The following SNTB1 variants were observed in gnomAD, a reference collection of about 807,000 sequenced individuals.
SNTB1 encodes the protein beta-1-syntrophin.
In SNTB1, 36 loss-of-function variants were observed where a neutral mutation model predicts 48.9. The ratio of observed to expected loss-of-function variants is 0.74; its 90% confidence interval spans 0.56 to 0.97. SNTB1 has a LOEUF of 0.97. SNTB1 is among the 50% of genes least tolerant of loss of function. The pLI, the probability that SNTB1 is intolerant of heterozygous loss-of-function variation, is 0.00. For missense variants in SNTB1, 786 were observed against 703.4 expected, an observed-to-expected ratio of 1.12 and a Z score of -1.33; for synonymous variants, 299 against 294.6, an observed-to-expected ratio of 1.01 and a Z score of -0.15.
At chr8:120,794,043 G>A (rs537546127) in intron 1 of SNTB1, among the ~76,000 whole-genome samples, 4 of 152,108 alleles carry the variant, frequency 2.6e-5, no homozygotes, top group Non-Finnish European at 4.4e-5. Context: ...ATAATAGGGT[G>A]AGATCAGGAA....
chr8:120,544,931 T>C (rs1461931802), intron 5 of SNTB1, among the ~76,000 whole-genome samples: 1 of 152,006 alleles, frequency 6.6e-6, no homozygotes, highest in Non-Finnish European at 1.5e-5. Context: ...AAGGCACTGA[T>C]TATCTTGGAT....
At chr8:120,573,394 G>GTTT (rs36132752) in intron 4 of SNTB1, among the ~76,000 whole-genome samples, 1 of 151,586 alleles carries the variant, frequency 6.6e-6, no homozygotes, top group African/African-American at 2.4e-5. Flanking sequence ...TTTTGAATCA[G>GTTT]TTTTCTTTTT....
chr8:120,549,034 C>T (rs1409864700), intron 4 of SNTB1, 76 bp from the exon 5 acceptor site: 1 of 1,226,684 alleles, frequency 8.2e-7, no homozygotes, highest in African/African-American at 1.5e-5. Flanking sequence ...TGTATAAGAC[C>T]CAAATTGGTG....
At chr8:120,692,346 G>A (rs1818142763) in intron 2 of SNTB1, among the ~76,000 whole-genome samples, 1 of 152,066 alleles carries the variant, frequency 6.6e-6, no homozygotes. Context: ...TTTCTATTCG[G>A]GTGGGTTGCA....
intron 3 of SNTB1, among the ~76,000 whole-genome samples, chr8:120,615,578 C>T (rs868402355): frequency 6.6e-6 from 1 of 152,182 alleles, no homozygotes; most frequent in Non-Finnish European, 1.5e-5. Context: ...GGATTTACCA[C>T]CAAAATAGGA....
intron 1 of SNTB1, among the ~76,000 whole-genome samples, chr8:120,749,620 G>C (rs916780095): frequency 1.3e-5 from 2 of 151,972 alleles, no homozygotes; most frequent in Non-Finnish European, 2.9e-5. Context: ...TTTGGTTATT[G>C]AGAAAGTCTT....
intron 3 of SNTB1, 32 bp from the exon 4 acceptor site, chr8:120,575,257 C>T: frequency 6.2e-7 from 1 of 1,613,844 alleles, no homozygotes; most frequent in Admixed American, 1.7e-5. Flanking sequence ...TGTCAAATGA[C>T]AGCCTGAGGA....
At position 120,604,604 on chromosome 8, in the gene SNTB1, C is replaced by T. The variant is rs558485381; in HGVS notation, c.996+27840G>A. 7.2e-5 allele frequency among the ~76,000 whole-genome samples: 11 copies of T among 152,158 alleles called. No homozygotes were observed. The East Asian group carries it at 2.1e-3, about 29-fold the overall frequency. The stretch of plus-strand genomic sequence containing the variant: ...TAGCTGGGATTACAGGTGCGCACCA[C>T]CATGCCCAGCTAATTTTTGTATTTT... On this transcript the variant is annotated intron_variant, in intron 3 of 6. Transcript: ENST00000517992.
chr8:120,619,243 T>A (rs1387473314), intron 3 of SNTB1, among the ~76,000 whole-genome samples: 1 of 152,054 alleles, frequency 6.6e-6, no homozygotes, highest in Non-Finnish European at 1.5e-5. Flanking sequence ...TTACAGTTCA[T>A]TAAATATGGA....
intron 3 of SNTB1, among the ~76,000 whole-genome samples, chr8:120,586,845 G>T (rs1231538685): frequency 6.6e-6 from 1 of 152,188 alleles, no homozygotes; most frequent in Non-Finnish European, 1.5e-5. Flanking sequence ...GCAAATGGGG[G>T]AAAGAAGGTA....
chr8:120,572,609 G>A (rs1293724873), intron 4 of SNTB1, among the ~76,000 whole-genome samples: 2 of 152,138 alleles, frequency 1.3e-5, no homozygotes, highest in African/African-American at 4.8e-5. Context: ...CAGGCCAGGT[G>A]CAGTGGTTGA....
At chr8:120,575,457 G>A (rs1815935999) in intron 3 of SNTB1, among the ~76,000 whole-genome samples, 1 of 152,214 alleles carries the variant, frequency 6.6e-6, no homozygotes, top group South Asian at 2.1e-4. Context: ...AAGCAGCCCA[G>A]CTGCCACACA....
At chr8:120,759,718 C>G (rs1050239847) in intron 1 of SNTB1, among the ~76,000 whole-genome samples, 5 of 152,152 alleles carry the variant, frequency 3.3e-5, no homozygotes, top group African/African-American at 1.2e-4. Context: ...TCCTGTGGCC[C>G]AAGACGAACT....
At chr8:120,691,256 C>T (rs1818122910) in intron 2 of SNTB1, among the ~76,000 whole-genome samples, 1 of 152,194 alleles carries the variant, frequency 6.6e-6, no homozygotes, top group Non-Finnish European at 1.5e-5. Context: ...GTATGAATTG[C>T]TCCTACAATG....
intron 2 of SNTB1, among the ~76,000 whole-genome samples, chr8:120,659,406 T>C (rs1338200492): frequency 1.3e-5 from 2 of 152,214 alleles, no homozygotes; most frequent in African/African-American, 4.8e-5. Flanking sequence ...AGTTTTATCA[T>C]GGGATTGCAA....
intron 1 of SNTB1, among the ~76,000 whole-genome samples, chr8:120,736,527 C>A (rs1337202149): frequency 6.6e-6 from 1 of 152,186 alleles, no homozygotes; most frequent in Non-Finnish European, 1.5e-5. Context: ...TTGCTGGAGA[C>A]CAAAGCTTCA....
chr8:120,706,508 T>C (rs1818377835), intron 1 of SNTB1, among the ~76,000 whole-genome samples: 1 of 152,196 alleles, frequency 6.6e-6, no homozygotes, highest in Non-Finnish European at 1.5e-5. Context: ...CCTGGATTAA[T>C]TTGCCAGCAA....
chr8:120,809,996 C>T (rs1360925432), intron 1 of SNTB1, among the ~76,000 whole-genome samples: 2 of 152,142 alleles, frequency 1.3e-5, no homozygotes, highest in South Asian at 2.1e-4. Flanking sequence ...ACTAGTGCCA[C>T]GACTCGGTAA....
At chr8:120,703,313 C>A (rs1015753433) in intron 1 of SNTB1, among the ~76,000 whole-genome samples, 1 of 152,124 alleles carries the variant, frequency 6.6e-6, no homozygotes, top group African/African-American at 2.4e-5. Flanking sequence ...TTAGTAGATA[C>A]GAGGTTGCAC....
Sources: gnomAD v4.1 joint callset for allele counts (sites outside exome capture counted in the v4.1 genomes callset) on GRCh38, gnomAD v4.1.1 for gene constraint, MANE v1.5 for transcripts, NCBI Gene and HGNC (gene_info 2026-07-23, HGNC 2026-07-21) for gene names.